Variants in WDR75 observed in about 807,000 individuals in gnomAD.
WDR75 encodes the protein WD repeat domain 75.
Under a neutral mutation model 106.1 loss-of-function variants are expected in WDR75, and 52 were observed. The ratio of observed to expected loss-of-function variants is 0.49; its 90% CI spans 0.39 to 0.62. The LOEUF (loss-of-function observed/expected upper bound fraction) is 0.62, where lower values mean the gene tolerates loss of function less well. Ranked by LOEUF, WDR75 falls within the 20% of genes least tolerant of loss-of-function variation. WDR75 has a pLI of 0.00. For synonymous variants in WDR75, 333 were observed against 335.5 expected, an observed-to-expected ratio of 0.99 and a Z score of 0.08; for missense variants, 905 against 970.3, an observed-to-expected ratio of 0.93 and a Z score of 0.89.
In WDR75 at chr2:189,469,412, A is replaced by G; in HGVS notation, c.1792A>G (p.Ile598Val). Residue 598 changes from isoleucine to valine, a missense_variant, in exon 16 of 21, where the codon ATC (isoleucine) becomes GTC (valine). By Grantham distance (29) the Ile-to-Val change is conservative (BLOSUM62 3). Coordinates refer to ENST00000314761, the MANE Select transcript of WDR75 (RefSeq NM_032168.3). Reference sequence around the variant, plus strand: ...TCCTAATTCAGAGAATATTGCTGCAATCTCTCAGTCTTCAGTGGGTTCAGA... The same window carrying G: ...TCCTAATTCAGAGAATATTGCTGCAGTCTCTCAGTCTTCAGTGGGTTCAGA... ...PDPNSENIAA[I>V]SQSSVGSDLF... 6.2e-7 allele frequency: 1 copy of G among 1,613,482 alleles called. No homozygotes were observed. Among genetic ancestry groups the G allele is most frequent in the Non-Finnish European group, 8.5e-7 (1 of 1,179,536 alleles).
chr2:189,472,225 G>C (rs116242624), intron 18 of WDR75, among the ~76,000 whole-genome samples: 2,974 of 152,282 alleles, frequency 0.02, 99 homozygotes, highest in African/African-American at 0.068. Context: ...AGAGAAGGTG[G>C]TAAGAATTGT....
chr2:189,465,875 TTGA>T (rs1686988356), intron 12 of WDR75, among the ~76,000 whole-genome samples: 1 of 152,172 alleles, frequency 6.6e-6, no homozygotes, highest in African/African-American at 2.4e-5. Context: ...CTATGCTGCC[TTGA>T]TGTTCTTTTA....
At chr2:189,458,458 CA>C (rs142493798) in intron 6 of WDR75, among the ~76,000 whole-genome samples, 9,851 of 149,984 alleles carry the variant, frequency 0.066, 495 homozygotes, top group African/African-American at 0.14. Flanking sequence ...TTGACCAGGC[CA>C]AAAAAAAATC....
At chr2:189,465,524 G>T (rs1686982556) in intron 12 of WDR75, among the ~76,000 whole-genome samples, 1 of 152,030 alleles carries the variant, frequency 6.6e-6, no homozygotes, top group Non-Finnish European at 1.5e-5. Context: ...GCAAATCCAG[G>T]GTTAGAATCC....
At chr2:189,462,228 T>A (rs1422746939) in intron 8 of WDR75, among the ~76,000 whole-genome samples, 1 of 152,104 alleles carries the variant, frequency 6.6e-6, no homozygotes, top group Non-Finnish European at 1.5e-5. Context: ...TAAAGGATAT[T>A]TGTTTGTCCA....
intron 1 of WDR75, among the ~76,000 whole-genome samples, chr2:189,445,685 AT>A (rs1244958281): frequency 6.6e-6 from 1 of 152,226 alleles, no homozygotes; most frequent in Non-Finnish European, 1.5e-5. Flanking sequence ...CAGTGTTAAT[AT>A]CTTAGTTTTG....
At chr2:189,447,194 C>T (rs1007694086) in intron 1 of WDR75, among the ~76,000 whole-genome samples, 1 of 152,166 alleles carries the variant, frequency 6.6e-6, no homozygotes, top group Non-Finnish European at 1.5e-5. Context: ...AGACACAGAG[C>T]AAATACTTTT....
At chr2:189,447,666 AGATAT>A (rs1686528939) in intron 1 of WDR75, among the ~76,000 whole-genome samples, 1 of 152,208 alleles carries the variant, frequency 6.6e-6, no homozygotes, top group Non-Finnish European at 1.5e-5. Context: ...AACAGTCAAG[AGATAT>A]GATATTGGCA....
At chr2:189,458,080 G>A (rs1345340668) in intron 6 of WDR75, among the ~76,000 whole-genome samples, 1 of 151,880 alleles carries the variant, frequency 6.6e-6, no homozygotes, top group African/African-American at 2.4e-5. Context: ...TCTGCCACCA[G>A]GCTGGCAAAT....
At position 189,466,340 on chromosome 2, in the gene WDR75, T is replaced by C. The variant is rs1558988113; in HGVS notation, c.1290-85T>C. On this transcript the variant is annotated intron_variant, in intron 12 of 20. Transcript: ENST00000314761. ...AGTTGCCTGTTGTTCAAGATGCTAT[T>C]GTAAAATGTACAGCATGTCAGAAAT... 9 of 1,442,748 alleles carry C rather than the reference T, an allele frequency of 6.2e-6. No individual in the cohort carries two copies. In the South Asian group the frequency reaches 1.1e-4, roughly 17 times the overall value. 89.4% of individuals were successfully genotyped at this position (1,442,748 alleles called of 1,614,324 possible).
intron 1 of WDR75, among the ~76,000 whole-genome samples, 172 bp downstream of exon 1, chr2:189,441,750 C>T (rs1227808939): frequency 6.6e-6 from 1 of 152,160 alleles, no homozygotes; most frequent in African/African-American, 2.4e-5. Flanking sequence ...CCCGTTACCA[C>T]TGCAGATTGG....
Position 189,450,982 on chromosome 2 carries a change from T to A in WDR75, c.282+14T>A, listed in dbSNP as rs774529200. 1.9e-6 allele frequency: 3 copies of A among 1,588,342 alleles called. No homozygotes were observed. The highest frequency in any genetic ancestry group is 2.6e-6 in the Non-Finnish European group (3 of 1,173,490). On this transcript the variant is annotated intron_variant, in intron 3 of 20. Coordinates refer to ENST00000314761, the MANE Select transcript of WDR75 (RefSeq NM_032168.3). ...ATCTTAATAAAGGTATGTGGATTGA[T>A]CTTTACTTTTCGTTATGTGAATAAA...
intron 2 of WDR75, chr2:189,448,814 C>A (rs1338213920): frequency 1.0e-5 from 5 of 500,016 alleles, no homozygotes; most frequent in Non-Finnish European, 2.0e-5. Flanking sequence ...CCCTTACATG[C>A]ATTGCGAATA....
At position 189,475,345 on chromosome 2, in the gene WDR75, G is replaced by A. The variant is rs141608156; in HGVS notation, c.2421G>A (p.Gln807=). Reference sequence around the variant, plus strand: ...GTTTAGGAGAAGACATTATACATCAGTTGTCAAAATCTGAAGAAAAAGAAC... The same window carrying A: ...GTTTAGGAGAAGACATTATACATCAATTGTCAAAATCTGAAGAAAAAGAAC... ...NTGLGEDIIH[Q]LSKSEEKELR... The change falls in exon 21 of 21, where the codon CAG becomes CAA. Residue 807 remains glutamine (Q), a synonymous_variant. Transcript: ENST00000314761. 14 of 1,612,512 alleles carry A rather than the reference G, an allele frequency of 8.7e-6. No homozygotes were observed. The East Asian group carries it at 1.6e-4, about 18-fold the overall frequency.
At chr2:189,451,970 T>A in intron 4 of WDR75, 75 bp downstream of exon 4, 1 of 1,301,824 alleles carries the variant, frequency 7.7e-7, no homozygotes, top group Non-Finnish European at 1.1e-6. Flanking sequence ...AATTTAACAT[T>A]TTGGTTTTAA....
rs748517517 is a variant in WDR75, at chr2:189,467,645, T to C, written c.1625T>C (p.Ile542Thr). The C allele has an allele frequency of 1.3e-6, 2 of 1,592,640 alleles. No individual in the cohort carries two copies. The highest frequency in any genetic ancestry group is 1.7e-4 in the Middle Eastern group (1 of 5,912). ...KCTFCQRAGK[I>T]RHLCFGRLTC... ...ACATTTTGCCAACGAGCTGGGAAAATAAGGTAGGTAAATCTTCGGGAAGTA... is the reference window on the plus strand; with the variant it reads ...ACATTTTGCCAACGAGCTGGGAAAACAAGGTAGGTAAATCTTCGGGAAGTA... The change falls in exon 14 of 21, where the codon ATA becomes ACA. Residue 542 changes from isoleucine (I) to threonine (T), a missense_variant. Coordinates refer to ENST00000314761, the MANE Select transcript of WDR75 (RefSeq NM_032168.3).
chr2:189,453,572 A>C (rs1686670167), intron 4 of WDR75, among the ~76,000 whole-genome samples: 1 of 152,228 alleles, frequency 6.6e-6, no homozygotes, highest in African/African-American at 2.4e-5. Context: ...ATGGAAAACG[A>C]CTGATCTAAA....
intron 1 of WDR75, among the ~76,000 whole-genome samples, chr2:189,442,453 T>C (rs1340159959): frequency 1.1e-4 from 15 of 137,896 alleles, no homozygotes; most frequent in Admixed American, 3.6e-4. Flanking sequence ...TTTTTTTTTT[T>C]TTTTTTTTTT....
intron 9 of WDR75, among the ~76,000 whole-genome samples, chr2:189,463,205 A>G (rs937217570): frequency 2.0e-5 from 3 of 151,406 alleles, no homozygotes; most frequent in Admixed American, 6.6e-5. Context: ...AAGTTAAACT[A>G]TTTTTATTAG....
Sources: gnomAD v4.1 joint callset for allele counts (sites outside exome capture counted in the v4.1 genomes callset) on GRCh38, gnomAD v4.1.1 for gene constraint, MANE v1.5 for transcripts, NCBI Gene and HGNC (gene_info 2026-07-23, HGNC 2026-07-21) for gene names.